MSRA: variants seen among roughly 807,000 people sequenced by gnomAD.
The protein encoded by MSRA is methionine sulfoxide reductase A.
A neutral mutation model predicts 31.3 loss-of-function variants in MSRA; 54 were observed. The observed-to-expected ratio is 1.73, with a 90% confidence interval of 1.39 to 2.17. The LOEUF (loss-of-function observed/expected upper bound fraction) is 2.17, where lower values mean the gene tolerates loss of function less well. Among genes scored for constraint, MSRA ranks in the 30% most tolerant of loss-of-function variants. The pLI is 0.00. For synonymous variants in MSRA, 169 were observed against 116.5 expected (o/e 1.45, Z -2.90); for missense variants, 507 against 300.9 (o/e 1.69, Z -5.07).
rs188275281 is a variant in MSRA, at chr8:10,221,093, A to G, written c.211+13192A>G. Among the ~76,000 whole-genome samples, 4 of 152,310 alleles carry G rather than the reference A, an allele frequency of 2.6e-5. No individual in the cohort carries two copies. In the East Asian group the frequency reaches 7.7e-4, roughly 29 times the overall value. ...CACATGATGGGGAAAGCCCAATAGC[A>G]TGGAGTCTGTGTGGGGCTCTGCTTT... is the stretch of plus-strand genomic sequence containing the variant. On this transcript the variant is annotated intron_variant, in intron 2 of 5. Coordinates refer to ENST00000317173, the MANE Select transcript of MSRA (RefSeq NM_012331.5).
chr8:10,216,204 A>G (rs542995667), intron 2 of MSRA, among the ~76,000 whole-genome samples: 26 of 152,362 alleles, frequency 1.7e-4, no homozygotes, highest in South Asian at 1.2e-3. Context: ...ATTAAAATAT[A>G]TGCAAGACAC....
chr8:10,340,604 C>T (rs919126461), intron 5 of MSRA, among the ~76,000 whole-genome samples: 2 of 152,210 alleles, frequency 1.3e-5, no homozygotes, highest in African/African-American at 4.8e-5. Flanking sequence ...AGTTCCTGGC[C>T]TCAAGTGATC....
At chr8:10,419,084 A>C (rs1585738442) in intron 5 of MSRA, among the ~76,000 whole-genome samples, 1 of 152,256 alleles carries the variant, frequency 6.6e-6, no homozygotes, top group East Asian at 1.9e-4. Flanking sequence ...CCTCCCACGC[A>C]TGTGCCCACA....
intron 1 of MSRA, among the ~76,000 whole-genome samples, chr8:10,123,673 A>T (rs771099557): frequency 2.4e-4 from 36 of 152,030 alleles, no homozygotes; most frequent in Non-Finnish European, 3.8e-4. Flanking sequence ...GACTTTTTCT[A>T]TGTGGTGTAA....
chr8:10,123,852 C>T (rs983205897), intron 1 of MSRA, among the ~76,000 whole-genome samples: 1 of 151,598 alleles, frequency 6.6e-6, no homozygotes, highest in African/African-American at 2.4e-5. Context: ...ATCCATTGGT[C>T]TATGCTTTTT....
At chr8:10,307,949 G>A (rs1161807845) in intron 4 of MSRA, among the ~76,000 whole-genome samples, 3 of 152,220 alleles carry the variant, frequency 2.0e-5, no homozygotes. Context: ...TAGTAGAAGT[G>A]ACAGCGTGCA....
chr8:10,260,868 G>C (rs1045845263), intron 3 of MSRA, among the ~76,000 whole-genome samples: 1 of 152,208 alleles, frequency 6.6e-6, no homozygotes, highest in Admixed American at 6.5e-5. Flanking sequence ...TTTCAGAGCA[G>C]TGGGAGAGGA....
chr8:10,285,672 G>A (rs1413255492), intron 3 of MSRA, among the ~76,000 whole-genome samples: 1 of 150,586 alleles, frequency 6.6e-6, no homozygotes, highest in Non-Finnish European at 1.5e-5. Context: ...CCCGCCTCTG[G>A]TAACCACTCT....
intron 1 of MSRA, among the ~76,000 whole-genome samples, chr8:10,066,923 G>A (rs762476914): frequency 2.6e-5 from 4 of 151,576 alleles, no homozygotes; most frequent in Non-Finnish European, 5.9e-5. Context: ...AAATTGAGTG[G>A]AAAGTACAGA....
rs866097663 is a variant in MSRA at position 10,086,647 on chromosome 8, G to A, written c.142+31989G>A. ...AGAGTGCAAAGTGTTTCTTATTGTG[G>A]CGGTTGTTATTAATACGTGATTTCA... On this transcript the variant is annotated intron_variant, in intron 1 of 5. Coordinates refer to ENST00000317173, the MANE Select transcript of MSRA (RefSeq NM_012331.5). Among the ~76,000 whole-genome samples the A allele has an allele frequency of 3.9e-5, 6 of 152,150 alleles. No homozygotes were observed. In the South Asian group the frequency reaches 6.2e-4, roughly 16 times the overall value.
chr8:10,359,444 G>A (rs1026882808), intron 5 of MSRA, among the ~76,000 whole-genome samples: 2 of 151,814 alleles, frequency 1.3e-5, no homozygotes, highest in South Asian at 4.2e-4. Flanking sequence ...CTTTTTAAAG[G>A]CCTTTAGTTC....
intron 1 of MSRA, among the ~76,000 whole-genome samples, chr8:10,185,124 G>GC (rs1270246978): frequency 1.3e-5 from 2 of 152,176 alleles, no homozygotes; most frequent in Non-Finnish European, 2.9e-5. Context: ...CTTTTGCAGA[G>GC]CCCCTGCTGA....
At chr8:10,269,892 C>A (rs2975670) in intron 3 of MSRA, among the ~76,000 whole-genome samples, 12,961 of 152,162 alleles carry the variant, frequency 0.085, 797 homozygotes, top group Admixed American at 0.19. Flanking sequence ...ACCTCGTGAT[C>A]TGCCCACCTC....
intron 5 of MSRA, among the ~76,000 whole-genome samples, chr8:10,359,708 C>T (rs773993682): frequency 2.0e-5 from 3 of 151,922 alleles, no homozygotes; most frequent in Non-Finnish European, 2.9e-5. Context: ...GGAGGATGGT[C>T]TCAGATGGAG....
At chr8:10,119,792 A>G (rs1415473291) in intron 1 of MSRA, among the ~76,000 whole-genome samples, 2 of 152,176 alleles carry the variant, frequency 1.3e-5, no homozygotes, top group East Asian at 1.9e-4. Flanking sequence ...TCTGGTGTAC[A>G]AAGGGACTAC....
chr8:10,287,220 A>T (rs1799984150), intron 3 of MSRA, among the ~76,000 whole-genome samples: 1 of 152,198 alleles, frequency 6.6e-6, no homozygotes, highest in African/African-American at 2.4e-5. Context: ...AGTTACCATT[A>T]GCTCCAATGT....
At chr8:10,371,867 G>A (rs1805498161) in intron 5 of MSRA, among the ~76,000 whole-genome samples, 1 of 152,202 alleles carries the variant, frequency 6.6e-6, no homozygotes, top group South Asian at 2.1e-4. Flanking sequence ...GGCAACACTT[G>A]CTGAAGGTTT....
chr8:10,219,784 C>T (rs571994780), intron 2 of MSRA, among the ~76,000 whole-genome samples: 23 of 111,524 alleles, frequency 2.1e-4, no homozygotes, highest in East Asian at 3.2e-4. Flanking sequence ...TCAGCCTGGA[C>T]GACAGATCGA....
At chr8:10,253,795 G>A (rs1055338537) in intron 3 of MSRA, among the ~76,000 whole-genome samples, 10 of 152,108 alleles carry the variant, frequency 6.6e-5, no homozygotes, top group African/African-American at 2.2e-4. Context: ...GATATGCTGG[G>A]TCTTAATTAC....
Sources: allele counts gnomAD v4.1 joint callset (sites outside exome capture counted in the v4.1 genomes callset), GRCh38; gene constraint gnomAD v4.1.1; transcripts MANE v1.5; gene names NCBI Gene and HGNC (gene_info 2026-07-23, HGNC 2026-07-21).